Variants in SVIL observed in about 807,000 individuals in gnomAD.
SVIL encodes the protein supervillin.
In SVIL, 101 loss-of-function variants were observed where a neutral mutation model predicts 240.4. The observed-to-expected ratio is 0.42, with a 90% CI of 0.36 to 0.50. SVIL has a LOEUF of 0.50. SVIL is among the 20% of genes least tolerant of loss of function. SVIL has a pLI of 0.01. For synonymous variants in SVIL, 999 were observed against 1,100.0 expected (o/e 0.91, Z 1.82); for missense variants, 2,512 against 2,818.7 (o/e 0.89, Z 2.46).
At chr10:29,696,755 G>C (rs1219918299) in intron 1 of SVIL, among the ~76,000 whole-genome samples, 1 of 151,032 alleles carries the variant, frequency 6.6e-6, no homozygotes, top group East Asian at 2.0e-4. Context: ...CCTCCGCCTG[G>C]CTGCCACCCC....
intron 26 of SVIL, among the ~76,000 whole-genome samples, chr10:29,485,721 A>G (rs1467473106): frequency 6.6e-6 from 1 of 152,234 alleles, no homozygotes; most frequent in Non-Finnish European, 1.5e-5. Flanking sequence ...TAATTGGGAA[A>G]TCCATAAATT....
chr10:29,483,315 C>T (rs145656684), intron 27 of SVIL: 3 of 152,278 alleles, frequency 2.0e-5, no homozygotes, highest in Non-Finnish European at 2.9e-5. Flanking sequence ...TTCTCTACCC[C>T]CTTCCCTGAC....
chr10:29,486,640 A>G, intron 24 of SVIL, 83 bp from the exon 25 acceptor site: 1 of 1,538,710 alleles, frequency 6.5e-7, no homozygotes. Context: ...AGAGAGGAGA[A>G]ACAGTGTGCC....
At chr10:29,705,254 GGT>G (rs1353593837) in intron 1 of SVIL, among the ~76,000 whole-genome samples, 5 of 152,102 alleles carry the variant, frequency 3.3e-5, no homozygotes, top group African/African-American at 9.7e-5. Context: ...AAAGGATAAA[GGT>G]GTGTGTGGTT....
At chr10:29,627,477 A>G (rs531752878) in intron 1 of SVIL, among the ~76,000 whole-genome samples, 1 of 152,304 alleles carries the variant, frequency 6.6e-6, no homozygotes, top group Admixed American at 6.5e-5. Context: ...TTCAATTTCC[A>G]GATAAAATCT....
In SVIL at chr10:29,466,862, A is replaced by T. The variant is rs139147310; in HGVS notation, c.5977+880T>A. Among the ~76,000 whole-genome samples, 6 of 152,318 alleles carry T rather than the reference A, an allele frequency of 3.9e-5. No individual in the cohort carries two copies. The South Asian group carries it at 1.0e-3, about 26-fold the overall frequency. ...TCATTTCTTTTTTTAACTTCTCCAT[A>T]ATTTCAAACGTTTTCTAGGCATTAT... On this transcript the variant is annotated intron_variant, in intron 33 of 37. Coordinates refer to ENST00000355867, the MANE Select transcript of SVIL (RefSeq NM_021738.3).
chr10:29,550,613 G>A lies in SVIL; in HGVS notation c.811C>T (p.Pro271Ser). 6.2e-7 allele frequency: 1 copy of A among 1,611,602 alleles called. No homozygotes were observed. Among genetic ancestry groups the A allele is most frequent in the Non-Finnish European group, 8.5e-7 (1 of 1,178,954 alleles). ...SPSFGDPQLS[P>S]EARPSTGKPK... ...GATGCTTACCTGGGTCGGGCCTCAG[G>A]GGATAGCTGTGGGTCACCAAAGGAG... Residue 271 changes from proline to serine, a missense_variant, in exon 6 of 38, where the codon CCT becomes TCT. Coordinates refer to ENST00000355867, the MANE Select transcript of SVIL (RefSeq NM_021738.3).
chr10:29,555,989 TAAC>T (rs748740719), intron 3 of SVIL, among the ~76,000 whole-genome samples: 3 of 152,206 alleles, frequency 2.0e-5, no homozygotes, highest in Non-Finnish European at 2.9e-5. Context: ...AAGCAAATGT[TAAC>T]AATGGTTTCC....
At chr10:29,588,386 T>C (rs972042233) in intron 1 of SVIL, among the ~76,000 whole-genome samples, 2 of 150,884 alleles carry the variant, frequency 1.3e-5, no homozygotes, top group African/African-American at 5.0e-5. Flanking sequence ...CAGTGCGGAC[T>C]CTCTTCACGT....
chr10:29,687,028 T>C (rs560963174), intron 1 of SVIL, among the ~76,000 whole-genome samples: 2 of 152,338 alleles, frequency 1.3e-5, no homozygotes, highest in South Asian at 4.1e-4. Context: ...GGCTGAGTCA[T>C]GCAACACCCT....
chr10:29,532,510 C>T lies in SVIL; in HGVS notation c.1838+19G>A, dbSNP rs1220964330. 1.1e-5 allele frequency: 17 copies of T among 1,590,136 alleles called. No homozygotes were observed. The highest frequency in any genetic ancestry group is 2.3e-5 in the South Asian group (2 of 88,466). The stretch of plus-strand genomic sequence containing the variant: ...ACGTGCAAGTGACACAGCTGGAGGG[C>T]GTGTGAAGCATCACCTACAGTTCAG... On this transcript the variant is annotated intron_variant, in intron 8 of 37. Transcript: ENST00000355867.
intron 1 of SVIL, among the ~76,000 whole-genome samples, chr10:29,573,131 G>A (rs1472239629): frequency 6.6e-6 from 1 of 151,894 alleles, no homozygotes; most frequent in Non-Finnish European, 1.5e-5. Flanking sequence ...TGATGCTGAG[G>A]TTTGGGGTAT....
chr10:29,607,009 C>T (rs1589375024), intron 1 of SVIL, among the ~76,000 whole-genome samples: 2 of 152,302 alleles, frequency 1.3e-5, no homozygotes, highest in Admixed American at 1.3e-4. Flanking sequence ...TCCACTTCGA[C>T]CTCCCAAAGT....
chr10:29,649,129 C>T (rs1000108574), intron 3 of SVIL, among the ~76,000 whole-genome samples: 5 of 152,136 alleles, frequency 3.3e-5, no homozygotes, highest in African/African-American at 1.2e-4. Context: ...CACTGCACTC[C>T]AGGCTGGGTG....
chr10:29,577,859 C>T (rs868105415), intron 1 of SVIL, among the ~76,000 whole-genome samples: 3 of 151,894 alleles, frequency 2.0e-5, no homozygotes, highest in East Asian at 3.8e-4. Flanking sequence ...TAAATTTAAC[C>T]AATTAGATGA....
rs1212847814 is a variant in SVIL at position 29,735,637 on chromosome 10, A to T, written c.-400+114T>A. 1 of 151,452 alleles carries T rather than the reference A, an allele frequency of 6.6e-6. No individual in the cohort carries two copies. Among genetic ancestry groups the T allele is most frequent in the East Asian group, 2.0e-4 (1 of 5,104 alleles). The allele number at this position is 151,452 out of a possible 1,614,324, so 9.4% of individuals were successfully genotyped here. A position where few individuals can be genotyped will look rare whatever the true frequency, so the allele number is the denominator to read the frequency against. ...CCCCGGCAGGGCCTCCCGCAGCCAG[A>T]GCGAGACTGACCCGCGCCTCCCGCC... is the stretch of plus-strand genomic sequence containing the variant. On this transcript the variant is annotated intron_variant, in intron 1 of 35. Transcript: ENST00000375400. The surrounding 1 kb of genome is among the most constrained non-coding windows in gnomAD (Gnocchi z 4.1).
In SVIL at chr10:29,467,866, C is replaced by T. The variant is rs778497760; in HGVS notation, c.5853G>A (p.Leu1951=). Residue 1951 remains leucine (L), a synonymous_variant, in exon 33 of 38, where the codon CTG becomes CTA. Coordinates refer to ENST00000355867, the MANE Select transcript of SVIL (RefSeq NM_021738.3). ...AANKIKEQCP[L]EAGLHSSSKV... ...TGCTGCTACTATGCAGTCCTGCTTCCAGGGGACATCTGCAAGGGAGAAACT... is the reference window on the plus strand; with the variant it reads ...TGCTGCTACTATGCAGTCCTGCTTCTAGGGGACATCTGCAAGGGAGAAACT... 1 of 1,614,150 alleles carries T rather than the reference C, an allele frequency of 6.2e-7. No individual in the cohort carries two copies. Among genetic ancestry groups the T allele is most frequent in the Non-Finnish European group, 8.5e-7 (1 of 1,180,016 alleles).
chr10:29,551,034 G>A lies in SVIL; in HGVS notation c.390C>T (p.Ser130=), dbSNP rs142595793. The change falls in exon 6 of 38, where the codon TCC becomes TCT. Residue 130 remains serine, a synonymous_variant. Coordinates refer to ENST00000355867, the MANE Select transcript of SVIL (RefSeq NM_021738.3). ...ACTTGGTATAGCGGGATAAATACTCGGAGTCGGCCTCGGGATCCAGAGTCA... is the reference window on the plus strand; with the variant it reads ...ACTTGGTATAGCGGGATAAATACTCAGAGTCGGCCTCGGGATCCAGAGTCA... ...YGLTLDPEAD[S]EYLSRYTKSR... The A allele has an allele frequency of 1.9e-6, 3 of 1,613,962 alleles. No homozygotes were observed. The highest frequency in any genetic ancestry group is 2.2e-5 in the East Asian group (1 of 44,882).
intron 17 of SVIL, among the ~76,000 whole-genome samples, chr10:29,503,933 A>T (rs1020034900): frequency 1.3e-5 from 2 of 152,250 alleles, no homozygotes; most frequent in African/African-American, 4.8e-5. Context: ...GACCAACACC[A>T]GTCAACTTCA....
Sources: gnomAD v4.1 joint callset for allele counts (sites outside exome capture counted in the v4.1 genomes callset) on GRCh38, gnomAD v4.1.1 for gene constraint, Gnocchi (gnomAD v3.1) non-coding constraint, MANE v1.5 for transcripts, NCBI Gene and HGNC (gene_info 2026-07-23, HGNC 2026-07-21) for gene names.